The following DSCAM variants were observed in gnomAD, a reference collection of about 807,000 sequenced individuals.
DSCAM encodes the protein cell adhesion molecule DSCAM.
A neutral mutation model predicts 217.7 loss-of-function variants in DSCAM; 47 were observed. The observed-to-expected ratio is 0.22, with a 90% CI of 0.17 to 0.28. The LOEUF is 0.28. Ranked by LOEUF, DSCAM falls within the 10% of genes least tolerant of loss-of-function variation. The probability of loss-of-function intolerance (pLI) is 1.00; values close to 1 mark genes in which losing one functional copy is unlikely to be tolerated. For synonymous variants in DSCAM, 1,056 were observed against 1,015.3 expected (o/e 1.04, Z -0.76); for missense variants, 2,080 against 2,618.3 (o/e 0.79, Z 4.49).
intron 32 of DSCAM, among the ~76,000 whole-genome samples, chr21:40,041,820 C>T (rs894690419): frequency 1.3e-5 from 2 of 152,162 alleles, no homozygotes; most frequent in African/African-American, 4.8e-5. Flanking sequence ...CTCAGTGTGG[C>T]AGTTTTAAAA....
intron 16 of DSCAM, among the ~76,000 whole-genome samples, chr21:40,161,230 T>A (rs2090537764): frequency 6.6e-6 from 1 of 152,126 alleles, no homozygotes; most frequent in Non-Finnish European, 1.5e-5. Flanking sequence ...CTGGAGTCCT[T>A]GAAGAAGGCC....
At position 40,134,022 on chromosome 21, in the gene DSCAM, A is replaced by T; in HGVS notation, c.3407-13T>A. The T allele has an allele frequency of 6.3e-7, 1 of 1,599,546 alleles. No homozygotes were observed. Among genetic ancestry groups the T allele is most frequent in the Non-Finnish European group, 8.5e-7 (1 of 1,173,886 alleles). ...ATCTCACCCAGCTCTGGAGGACAAG[A>T]ACAAGAAAACAAAATCCCACTTCTG... is the stretch of plus-strand genomic sequence containing the variant. On this transcript the variant is annotated splice_polypyrimidine_tract_variant and intron_variant, in intron 18 of 32. Coordinates refer to ENST00000400454, the MANE Select transcript of DSCAM (RefSeq NM_001389.5).
At chr21:40,500,344 T>G (rs753126758) in intron 3 of DSCAM, among the ~76,000 whole-genome samples, 11 of 152,208 alleles carry the variant, frequency 7.2e-5, no homozygotes, top group Non-Finnish European at 1.5e-4. Flanking sequence ...AACTGCTTAT[T>G]TCTGTAGTCT....
At chr21:40,113,276 G>A (rs1359260779) in intron 20 of DSCAM, among the ~76,000 whole-genome samples, 4 of 152,080 alleles carry the variant, frequency 2.6e-5, no homozygotes, top group Admixed American at 6.5e-5. Context: ...ATCAATAAAC[G>A]TAATCCAGCA....
At chr21:40,491,758 C>T (rs1038319525) in intron 3 of DSCAM, among the ~76,000 whole-genome samples, 6 of 152,124 alleles carry the variant, frequency 3.9e-5, no homozygotes, top group Non-Finnish European at 7.4e-5. Context: ...GCCTGAAAAG[C>T]TCTTCCTCTA....
intron 3 of DSCAM, among the ~76,000 whole-genome samples, chr21:40,551,848 A>G (rs1323741018): frequency 1.3e-5 from 2 of 152,150 alleles, no homozygotes; most frequent in Admixed American, 6.5e-5. Flanking sequence ...ATAATGAGAC[A>G]TGTCTGATGG....
intron 3 of DSCAM, among the ~76,000 whole-genome samples, chr21:40,385,826 T>C: frequency 6.9e-6 from 1 of 145,474 alleles, no homozygotes; most frequent in East Asian, 1.9e-4. Flanking sequence ...TGATAAGCCT[T>C]TGTCAGAAAA....
chr21:40,486,839 C>T (rs993885139), intron 3 of DSCAM, among the ~76,000 whole-genome samples: 3 of 152,150 alleles, frequency 2.0e-5, no homozygotes, highest in Non-Finnish European at 4.4e-5. Flanking sequence ...CAGCTACCAT[C>T]GGAGTTGACA....
At position 40,032,793 on chromosome 21, in the gene DSCAM, G is replaced by C. The variant is rs139466384; in HGVS notation, c.5686+9578C>G. ...AAATCATCTTTTGCTTCTTACTTTT[G>C]CATCAATATCCAGCTCTATCCAGGC... On this transcript the variant is annotated intron_variant, in intron 32 of 32. Transcript: ENST00000400454. Among the ~76,000 whole-genome samples the C allele has an allele frequency of 3.3e-5, 5 of 152,220 alleles. No individual in the cohort carries two copies. In the East Asian group the frequency reaches 9.7e-4, roughly 29 times the overall value.
Position 40,012,902 on chromosome 21 carries a change from T to A in DSCAM, c.*132A>T. 1 of 649,952 alleles carries A rather than the reference T, an allele frequency of 1.5e-6. No individual in the cohort carries two copies. The highest frequency in any genetic ancestry group is 2.2e-6 in the Non-Finnish European group (1 of 461,858). 40.3% of individuals were successfully genotyped at this position (649,952 alleles called of 1,614,324 possible). On this transcript the variant is annotated 3_prime_UTR_variant, in exon 33 of 33. Transcript: ENST00000400454. ...TTTGCACTGTCTGTGGTTTCAGTAT[T>A]TTCTCTTTTTTTTTTTTAATATATT...
intron 1 of DSCAM, among the ~76,000 whole-genome samples, chr21:40,819,631 C>T (rs904946701): frequency 2.6e-5 from 4 of 152,288 alleles, no homozygotes; most frequent in East Asian, 3.9e-4. Context: ...TGATAAATCA[C>T]GCAATCTAGC....
intron 3 of DSCAM, among the ~76,000 whole-genome samples, chr21:40,637,129 AAATATATAAATAT>A (rs2089774072): frequency 1.2e-4 from 11 of 88,878 alleles, no homozygotes; most frequent in Non-Finnish European, 8.1e-5. Flanking sequence ...ATATATATAT[AAATATATAAATAT>A]ATATATAAAT....
chr21:40,753,864 T>C lies in DSCAM; in HGVS notation c.44-45093A>G, dbSNP rs568935758. Among the ~76,000 whole-genome samples, 3 of 152,300 alleles carry C rather than the reference T, an allele frequency of 2.0e-5. No individual in the cohort carries two copies. In the East Asian group the frequency reaches 5.8e-4, roughly 29 times the overall value. ...ATCTGAACCGCACCTGAAGTGGAGC[T>C]GGGCCTTGTCACGAACAAAAACTTA... is the stretch of plus-strand genomic sequence containing the variant. On this transcript the variant is annotated intron_variant, in intron 1 of 32. Transcript: ENST00000400454.
intron 32 of DSCAM, among the ~76,000 whole-genome samples, chr21:40,028,076 C>CTAACAGACAG (rs2088425668): frequency 1.7e-5 from 1 of 57,708 alleles, no homozygotes; most frequent in African/African-American, 6.8e-5. Flanking sequence ...AGTTTTCCTT[C>CTAACAGACAG]TAACAGACAG....
At chr21:40,727,775 G>A (rs1424987972) in intron 1 of DSCAM, among the ~76,000 whole-genome samples, 1 of 152,128 alleles carries the variant, frequency 6.6e-6, no homozygotes, top group Non-Finnish European at 1.5e-5. Context: ...CCTCTGTTCT[G>A]AGCTTTTGAG....
chr21:40,056,261 C>T (rs114041998), intron 28 of DSCAM, among the ~76,000 whole-genome samples: 4,639 of 152,236 alleles, frequency 0.03, 112 homozygotes, highest in African/African-American at 0.059. Flanking sequence ...GCACGTGCAC[C>T]AGCTGTTTGT....
At chr21:40,332,779 A>G (rs1008196532) in intron 8 of DSCAM, among the ~76,000 whole-genome samples, 3 of 152,208 alleles carry the variant, frequency 2.0e-5, no homozygotes, top group African/African-American at 7.2e-5. Context: ...ACCATCAATA[A>G]TAAGCATATT....
At chr21:40,770,124 C>G (rs900586950) in intron 1 of DSCAM, among the ~76,000 whole-genome samples, 3 of 152,168 alleles carry the variant, frequency 2.0e-5, no homozygotes, top group African/African-American at 7.2e-5. Context: ...GGAACATTCT[C>G]AAAATTATAT....
At chr21:40,022,320 A>G (rs940448152) in intron 32 of DSCAM, among the ~76,000 whole-genome samples, 11 of 152,212 alleles carry the variant, frequency 7.2e-5, no homozygotes, top group East Asian at 1.9e-4. Flanking sequence ...ACATCATCCA[A>G]TGCTCAGAAT....
Sources: gnomAD v4.1 joint callset for allele counts (sites outside exome capture counted in the v4.1 genomes callset) on GRCh38, gnomAD v4.1.1 for gene constraint, MANE v1.5 for transcripts, NCBI Gene and HGNC (gene_info 2026-07-23, HGNC 2026-07-21) for gene names.